Variants in KAZN observed in about 807,000 individuals in gnomAD.
KAZN encodes kazrin.
A neutral mutation model predicts 87.4 loss-of-function variants in KAZN; 40 were observed. The ratio of observed to expected loss-of-function variants is 0.46; its 90% CI spans 0.36 to 0.60. The LOEUF (loss-of-function observed/expected upper bound fraction) is 0.60, where lower values mean the gene tolerates loss of function less well. Among genes scored for constraint, KAZN ranks in the 20% least tolerant of loss-of-function variants. KAZN has a pLI of 0.00. For synonymous variants in KAZN, 466 were observed against 458.3 expected, an observed-to-expected ratio of 1.02 and a Z score of -0.22; for missense variants, 898 against 1,073.9, an observed-to-expected ratio of 0.84 and a Z score of 2.29.
At chr1:15,082,862 T>G (rs915971347) in intron 8 of KAZN, among the ~76,000 whole-genome samples, 3 of 152,268 alleles carry the variant, frequency 2.0e-5, no homozygotes, top group Admixed American at 1.3e-4. Flanking sequence ...CTGGCTAATT[T>G]TTGTATTTTT....
intron 1 of KAZN, among the ~76,000 whole-genome samples, chr1:14,084,944 G>A (rs1241374549): frequency 6.6e-6 from 1 of 152,156 alleles, no homozygotes; most frequent in Non-Finnish European, 1.5e-5. Flanking sequence ...ATTCATGTAT[G>A]TGTACATGCA....
intron 2 of KAZN, among the ~76,000 whole-genome samples, chr1:14,472,567 G>A (rs553351099): frequency 8.6e-5 from 13 of 151,806 alleles, no homozygotes; most frequent in Non-Finnish European, 1.3e-4. Flanking sequence ...GTAAGAAAGT[G>A]TTATTCCACA....
chr1:14,389,072 T>A (rs930929370), intron 2 of KAZN, among the ~76,000 whole-genome samples: 1 of 152,120 alleles, frequency 6.6e-6, no homozygotes, highest in Non-Finnish European at 1.5e-5. Flanking sequence ...AAAGAAGACA[T>A]ACAAATGGCA....
chr1:14,883,039 T>C (rs1653505642), intron 1 of KAZN, among the ~76,000 whole-genome samples: 1 of 151,998 alleles, frequency 6.6e-6, no homozygotes, highest in African/African-American at 2.4e-5. Flanking sequence ...CTCATACCTG[T>C]AATCCCAGCA....
At chr1:14,414,831 C>T (rs1664615789) in intron 2 of KAZN, among the ~76,000 whole-genome samples, 1 of 152,006 alleles carries the variant, frequency 6.6e-6, no homozygotes, top group South Asian at 2.1e-4. Flanking sequence ...TCGAGACCAG[C>T]CTAACCAATA....
intron 1 of KAZN, among the ~76,000 whole-genome samples, chr1:14,161,626 A>C (rs1449051662): frequency 6.6e-6 from 1 of 152,200 alleles, no homozygotes; most frequent in Non-Finnish European, 1.5e-5. Context: ...CTTGTTGGTT[A>C]CACAGGTTGG....
chr1:14,534,593 C>T (rs564103273), intron 2 of KAZN, among the ~76,000 whole-genome samples: 23 of 152,110 alleles, frequency 1.5e-4, no homozygotes, highest in Admixed American at 7.2e-4. Context: ...TGCAGTGAGC[C>T]GAGATCGCAC....
upstream of KAZN, among the ~76,000 whole-genome samples, chr1:14,597,488 A>T (rs1344544745): frequency 6.6e-6 from 1 of 152,188 alleles, no homozygotes; most frequent in Non-Finnish European, 1.5e-5. Context: ...TAAATTGCTT[A>T]ACCCTATGCA....
intron 2 of KAZN, among the ~76,000 whole-genome samples, chr1:14,378,488 G>A (rs1025094980): frequency 1.2e-4 from 18 of 152,230 alleles, no homozygotes; most frequent in African/African-American, 4.3e-4. Flanking sequence ...AGTGAAGACA[G>A]TAGGAAAGAG....
intron 2 of KAZN, among the ~76,000 whole-genome samples, chr1:14,310,641 A>G (rs1655221191): frequency 1.3e-5 from 2 of 152,342 alleles, no homozygotes; most frequent in South Asian, 4.1e-4. Context: ...TGCAAATAAA[A>G]GATCTTTATG....
intron 2 of KAZN, among the ~76,000 whole-genome samples, chr1:14,506,210 T>G (rs550834193): frequency 3.7e-4 from 57 of 152,324 alleles, no homozygotes; most frequent in Non-Finnish European, 6.0e-4. Context: ...CACAGTGGGT[T>G]ATTCTCTTTG....
rs116322577 is a variant in KAZN at position 14,973,213 on chromosome 1, A to C, written c.418+12338A>C. Reference sequence around the variant, plus strand: ...TTAATGTTACTAAAATATTACTAGAATCCCACTCATTCATTCAGCAGATAC... The same window carrying C: ...TTAATGTTACTAAAATATTACTAGACTCCCACTCATTCATTCAGCAGATAC... On this transcript the variant is annotated intron_variant, in intron 2 of 14. Coordinates refer to ENST00000376030, the MANE Select transcript of KAZN (RefSeq NM_201628.3). Among the ~76,000 whole-genome samples, 619 of 152,316 alleles carry C rather than the reference A, an allele frequency of 4.1e-3. 3 individuals are homozygous for C. The highest frequency in any genetic ancestry group is 0.02 in the Middle Eastern group (6 of 294).
intron 2 of KAZN, among the ~76,000 whole-genome samples, chr1:14,530,325 G>A (rs927999338): frequency 6.6e-6 from 1 of 152,186 alleles, no homozygotes; most frequent in African/African-American, 2.4e-5. Flanking sequence ...TAACAGGGAG[G>A]GTGTAGGTTT....
chr1:14,516,968 A>G (rs772463573), intron 2 of KAZN, among the ~76,000 whole-genome samples: 8 of 152,066 alleles, frequency 5.3e-5, no homozygotes, highest in East Asian at 1.9e-4. Context: ...CCAGGTACCC[A>G]TTTACTAGTT....
rs540280725 is a variant in KAZN, at chr1:13,915,226, C to T, written c.91+21470C>T. 8.5e-5 allele frequency among the ~76,000 whole-genome samples: 13 copies of T among 152,106 alleles called. No homozygotes were observed. In the East Asian group the frequency reaches 1.4e-3, roughly 16 times the overall value. On this transcript the variant is annotated intron_variant, in intron 1 of 16. Coordinates refer to the KAZN transcript ENST00000636203. ...CCCAGCAGGGAGGGTTTTCTTATGG[C>T]GAAACCAAAAAAATCTTAGCAACCC...
In KAZN at chr1:14,923,182, T is replaced by C. The variant is rs1215990986; in HGVS notation, c.227-37502T>C. Among the ~76,000 whole-genome samples, 1 of 151,876 alleles carries C rather than the reference T, an allele frequency of 6.6e-6. No individual in the cohort carries two copies. The highest frequency in any genetic ancestry group is 1.5e-5 in the Non-Finnish European group (1 of 67,936). ...AAGGGGAGGCTGGGGGCTCCATGAG[T>C]GTGTGACTGACTCCTCACCTGGCTG... is the stretch of plus-strand genomic sequence containing the variant. On this transcript the variant is annotated intron_variant, in intron 1 of 14. Transcript: ENST00000376030. The surrounding 1 kb of genome is among the most constrained non-coding windows in gnomAD (Gnocchi z 4.2).
chr1:14,408,207 A>AATTTCT (rs1664020607), intron 2 of KAZN, among the ~76,000 whole-genome samples: 2 of 152,230 alleles, frequency 1.3e-5, no homozygotes, highest in African/African-American at 4.8e-5. Flanking sequence ...TCTGAATATT[A>AATTTCT]GAGTTTATGC....
chr1:14,785,257 C>A (rs1645474449), intron 1 of KAZN, among the ~76,000 whole-genome samples: 1 of 152,112 alleles, frequency 6.6e-6, no homozygotes, highest in Non-Finnish European at 1.5e-5. Flanking sequence ...CCCTGTGGAC[C>A]CCCATGGAAG....
At chr1:14,824,553 G>A (rs1231203160) in intron 1 of KAZN, among the ~76,000 whole-genome samples, 1 of 152,196 alleles carries the variant, frequency 6.6e-6, no homozygotes, top group Non-Finnish European at 1.5e-5. Context: ...TCCAAGGAGC[G>A]ACGCTTGCAT....
Sources: gnomAD v4.1 joint callset for allele counts (sites outside exome capture counted in the v4.1 genomes callset) on GRCh38, gnomAD v4.1.1 for gene constraint, Gnocchi (gnomAD v3.1) non-coding constraint, MANE v1.5 for transcripts, NCBI Gene and HGNC (gene_info 2026-07-23, HGNC 2026-07-21) for gene names.